The following KDELR2 variants were observed in gnomAD, a reference collection of about 807,000 sequenced individuals.
KDELR2 encodes ER lumen protein-retaining receptor 2.
A neutral mutation model predicts 23.9 loss-of-function variants in KDELR2; 15 were observed. The observed-to-expected ratio is 0.63, with a 90% confidence interval of 0.42 to 0.97. The LOEUF (loss-of-function observed/expected upper bound fraction) is 0.97. KDELR2 is among the 50% of genes least tolerant of loss of function. KDELR2 has a pLI of 0.00. For synonymous variants in KDELR2, 119 were observed against 106.2 expected, an observed-to-expected ratio of 1.12 and a Z score of -0.74; for missense variants, 272 against 254.6, an observed-to-expected ratio of 1.07 and a Z score of -0.46.
At chr7:6,478,809 C>A (rs7800342) in intron 1 of KDELR2, among the ~76,000 whole-genome samples, 2 of 151,932 alleles carry the variant, frequency 1.3e-5, no homozygotes, top group African/African-American at 4.8e-5. Context: ...TTTTTTGAGA[C>A]AAGAGTTTCA....
intron 1 of KDELR2, among the ~76,000 whole-genome samples, chr7:6,475,207 C>T (rs571947585): frequency 6.6e-6 from 1 of 152,148 alleles, no homozygotes; most frequent in Admixed American, 6.5e-5. Flanking sequence ...TATAGGGGGG[C>T]TAAGGCGGGA....
Position 6,469,729 on chromosome 7 carries a change from G to A in KDELR2, c.218C>T (p.Ala73Val), listed in dbSNP as rs570289997. Residue 73 changes from alanine to valine, a missense_variant, in exon 3 of 5, where the codon GCC becomes GTC. Coordinates refer to ENST00000258739, the MANE Select transcript of KDELR2 (RefSeq NM_006854.4). Reference sequence around the variant, plus strand: ...TTTCAGGTAGATCAGGTACACTGTGGCATAGGAGCAGGCAAGGTAGATAAC... The same window carrying A: ...TTTCAGGTAGATCAGGTACACTGTGACATAGGAGCAGGCAAGGTAGATAAC... Reference protein sequence around the residue: ...MKVIYLACSYATVYLIYLKFK... With the variant: ...MKVIYLACSYVTVYLIYLKFK... 1.9e-6 allele frequency: 3 copies of A among 1,613,878 alleles called. No individual in the cohort carries two copies. The highest frequency in any genetic ancestry group is 3.3e-5 in the Admixed American group (2 of 59,964).
At position 6,477,772 on chromosome 7, in the gene KDELR2, T is replaced by A. The variant is rs189523390; in HGVS notation, c.92-3488A>T. 5.7e-4 allele frequency among the ~76,000 whole-genome samples: 87 copies of A among 152,246 alleles called. 1 individual carries two copies. The Middle Eastern group carries it at 0.01, about 18-fold the overall frequency. On this transcript the variant is annotated intron_variant, in intron 1 of 4. Coordinates refer to ENST00000258739, the MANE Select transcript of KDELR2 (RefSeq NM_006854.4). ...TCCTAGGCTCAAGCAATCTTCCCAA[T>A]GAGGTATTATATATTACAAAATAGT...
chr7:6,468,955 C>CTTTT lies in KDELR2; in HGVS notation c.351+637_351+640dup, dbSNP rs59284369. Among the ~76,000 whole-genome samples, 153 of 143,748 alleles carry CTTTT rather than the reference C, an allele frequency of 1.1e-3. 1 individual carries two copies. Among genetic ancestry groups the CTTTT allele is most frequent in the African/African-American group, 3.6e-3 (142 of 39,364 alleles). 94.3% of individuals were successfully genotyped at this position (143,748 alleles called of 152,430 possible). A position where few individuals can be genotyped will look rare whatever the true frequency, so the allele number is the denominator to read the frequency against. On this transcript the variant is annotated intron_variant, in intron 3 of 4. Coordinates refer to ENST00000258739, the MANE Select transcript of KDELR2 (RefSeq NM_006854.4). ...CACCAGGCCCAGACCTAAATAACCT[C>CTTTT]TTTTTTTTTTTTGAGAGACGGAGTC... is the stretch of plus-strand genomic sequence containing the variant.
rs184107928 is a variant in KDELR2, at chr7:6,469,154, A to T, written c.351+442T>A. 4.0e-5 allele frequency among the ~76,000 whole-genome samples: 6 copies of T among 150,354 alleles called. No individual in the cohort carries two copies. In the East Asian group the frequency reaches 6.0e-4, roughly 15 times the overall value. On this transcript the variant is annotated intron_variant, in intron 3 of 4. Transcript: ENST00000258739. Reference sequence around the variant, plus strand: ...TTTTTAGTACAGACGGGGTTTCACCATGTTAGCCAGTATAGTCTCGATCTC... The same window carrying T: ...TTTTTAGTACAGACGGGGTTTCACCTTGTTAGCCAGTATAGTCTCGATCTC...
chr7:6,466,848 G>A (rs543876013), intron 3 of KDELR2, among the ~76,000 whole-genome samples: 10 of 152,220 alleles, frequency 6.6e-5, no homozygotes, highest in African/African-American at 2.4e-4. Context: ...CTGACAGGAG[G>A]TGGAGCTTGG....
chr7:6,463,665 A>G (rs989261368), intron 4 of KDELR2, among the ~76,000 whole-genome samples: 4 of 151,916 alleles, frequency 2.6e-5, no homozygotes, highest in Admixed American at 6.6e-5. Flanking sequence ...ACTTGAGCCC[A>G]GGAGTTTGGG....
In KDELR2 at chr7:6,462,740, A is replaced by G; in HGVS notation, c.*401T>C. The G allele has an allele frequency of 2.4e-6, 1 of 423,790 alleles. No individual in the cohort carries two copies. The highest frequency in any genetic ancestry group is 4.4e-5 in the South Asian group (1 of 22,660). 26.3% of individuals were successfully genotyped at this position (423,790 alleles called of 1,614,324 possible). ...AGTTTGAGGGATGGAAGAATATATA[A>G]TCTATCAACTGTCAAGGAGTACAAT... On this transcript the variant is annotated 3_prime_UTR_variant, in exon 5 of 5. Coordinates refer to ENST00000258739, the MANE Select transcript of KDELR2 (RefSeq NM_006854.4).
chr7:6,467,552 G>C (rs1241249313), intron 3 of KDELR2, among the ~76,000 whole-genome samples: 1 of 152,138 alleles, frequency 6.6e-6, no homozygotes, highest in Non-Finnish European at 1.5e-5. Context: ...CCTGAGATCA[G>C]GAATTCAAGA....
At chr7:6,471,049 G>A (rs781497765) in intron 2 of KDELR2, among the ~76,000 whole-genome samples, 22 of 150,792 alleles carry the variant, frequency 1.5e-4, no homozygotes, top group Non-Finnish European at 3.0e-4. Context: ...CCCAGGAGGC[G>A]GAGCTTGCAG....
chr7:6,472,984 T>C (rs1785683190), intron 2 of KDELR2, among the ~76,000 whole-genome samples: 1 of 148,438 alleles, frequency 6.7e-6, no homozygotes, highest in Non-Finnish European at 1.5e-5. Context: ...TACGGCTCAC[T>C]GCAGCTTCAA....
intron 1 of KDELR2, among the ~76,000 whole-genome samples, chr7:6,476,096 G>C (rs1785746251): frequency 6.6e-6 from 1 of 152,090 alleles, no homozygotes; most frequent in Admixed American, 6.5e-5. Context: ...TGTATTACAT[G>C]TTGTTTTTCA....
At chr7:6,469,116 TA>T (rs1785568286) in intron 3 of KDELR2, among the ~76,000 whole-genome samples, 1 of 151,830 alleles carries the variant, frequency 6.6e-6, no homozygotes, top group Non-Finnish European at 1.5e-5. Flanking sequence ...CATGCCCAGC[TA>T]ATTTTTTTTA....
intron 2 of KDELR2, among the ~76,000 whole-genome samples, chr7:6,471,697 C>T (rs927080107): frequency 1.3e-5 from 2 of 152,150 alleles, no homozygotes; most frequent in Admixed American, 6.6e-5. Context: ...TTTATAGCTG[C>T]GTCCATTGGT....
intron 1 of KDELR2, among the ~76,000 whole-genome samples, chr7:6,482,138 G>A (rs1033186809): frequency 6.6e-6 from 1 of 152,096 alleles, no homozygotes; most frequent in Non-Finnish European, 1.5e-5. Flanking sequence ...GAGTAGCTGG[G>A]ATTACAGGCA....
intron 1 of KDELR2, 24 bp from the exon 2 acceptor site, chr7:6,474,308 T>G (rs375325084): frequency 1.1e-4 from 168 of 1,501,404 alleles, no homozygotes; most frequent in Middle Eastern, 1.7e-4. Context: ...AGGGAAGTAT[T>G]AGAAGGGCCT....
At chr7:6,481,649 G>A (rs1785894297) in intron 1 of KDELR2, among the ~76,000 whole-genome samples, 1 of 152,194 alleles carries the variant, frequency 6.6e-6, no homozygotes, top group African/African-American at 2.4e-5. Flanking sequence ...GAGCCCAGGA[G>A]TTTGGGGCTG....
At chr7:6,463,204 C>T (rs996884617) in intron 4 of KDELR2, 29 bp from the exon 5 acceptor site, 1 of 1,581,908 alleles carries the variant, frequency 6.3e-7, no homozygotes, top group Admixed American at 1.8e-5. Context: ...GAAAAGAAAA[C>T]AAAAGGTTAC....
chr7:6,481,365 CA>C (rs11388243), intron 1 of KDELR2, among the ~76,000 whole-genome samples: 21 of 117,648 alleles, frequency 1.8e-4, no homozygotes, highest in Non-Finnish European at 2.0e-4. Context: ...AAGTTCATCT[CA>C]AAAAAAAAAA....
Sources: allele counts gnomAD v4.1 joint callset (sites outside exome capture counted in the v4.1 genomes callset), GRCh38; gene constraint gnomAD v4.1.1; transcripts MANE v1.5; gene names NCBI Gene and HGNC (gene_info 2026-07-23, HGNC 2026-07-21).